LRRTM4: variants seen among roughly 807,000 people sequenced by gnomAD.
The protein encoded by LRRTM4 is leucine rich repeat transmembrane neuronal 4.
In LRRTM4, 25 loss-of-function variants were observed where a neutral mutation model predicts 47.6. The observed-to-expected ratio is 0.53, with a 90% CI of 0.38 to 0.73. The LOEUF is 0.73. Ranked by LOEUF, LRRTM4 falls within the 30% of genes least tolerant of loss-of-function variation. The pLI is 0.00. For synonymous variants in LRRTM4, 311 were observed against 269.5 expected, an observed-to-expected ratio of 1.15 and a Z score of -1.51; for missense variants, 638 against 713.4, an observed-to-expected ratio of 0.89 and a Z score of 1.20.
At chr2:76,864,966 G>C (rs1672425238) in intron 3 of LRRTM4, among the ~76,000 whole-genome samples, 1 of 150,988 alleles carries the variant, frequency 6.6e-6, no homozygotes, top group Admixed American at 6.6e-5. Context: ...CAATCTCCTG[G>C]CTCAAGCGAT....
intron 3 of LRRTM4, among the ~76,000 whole-genome samples, chr2:77,498,761 C>T (rs184190231): frequency 3.8e-4 from 57 of 151,930 alleles, no homozygotes; most frequent in African/African-American, 1.3e-3. Flanking sequence ...TTTTTCCCAT[C>T]CTGTAACAGG....
At position 76,796,215 on chromosome 2, in the gene LRRTM4, T is replaced by A. The variant is rs542525380; in HGVS notation, c.1552-47299A>T. Among the ~76,000 whole-genome samples, 1,033 of 138,392 alleles carry A rather than the reference T, an allele frequency of 7.5e-3. 48 individuals carry two copies. The highest frequency in any genetic ancestry group is 0.026 in the African/African-American group (948 of 37,118). 90.8% of individuals were successfully genotyped at this position (138,392 alleles called of 152,430 possible). A position where few individuals can be genotyped will look rare whatever the true frequency, so the allele number is the denominator to read the frequency against. On this transcript the variant is annotated intron_variant, in intron 3 of 3. Coordinates refer to ENST00000409884, the MANE Select transcript of LRRTM4 (RefSeq NM_001134745.3). ...CTAGCACAGCAGTCTGAGATCAAAC[T>A]GCAAGGCGGCAGCCAGGCTGGGGGA...
chr2:77,394,955 A>G (rs1178781139), intron 3 of LRRTM4, among the ~76,000 whole-genome samples: 1 of 151,944 alleles, frequency 6.6e-6, no homozygotes, highest in Non-Finnish European at 1.5e-5. Context: ...ATTGAGCTCA[A>G]GTTGTCTTAA....
intron 3 of LRRTM4, among the ~76,000 whole-genome samples, chr2:77,418,835 C>G (rs1204532660): frequency 6.6e-6 from 1 of 152,062 alleles, no homozygotes; most frequent in East Asian, 1.9e-4. Context: ...TAAACCAAGC[C>G]ACATCTGTGT....
At chr2:76,975,850 TTAAG>T (rs1676402915) in intron 3 of LRRTM4, among the ~76,000 whole-genome samples, 1 of 146,610 alleles carries the variant, frequency 6.8e-6, no homozygotes, top group African/African-American at 2.7e-5. Context: ...AATCAAATAA[TTAAG>T]TAATTTAGAA....
chr2:77,015,397 T>C (rs1278007169), intron 3 of LRRTM4, among the ~76,000 whole-genome samples: 2 of 152,092 alleles, frequency 1.3e-5, no homozygotes, highest in African/African-American at 4.8e-5. Flanking sequence ...AGTGCAGTGG[T>C]GCGATCTTAG....
chr2:76,927,223 T>C (rs940426435), intron 3 of LRRTM4, among the ~76,000 whole-genome samples: 5 of 152,104 alleles, frequency 3.3e-5, no homozygotes, highest in Non-Finnish European at 5.9e-5. Context: ...GGAGTTACCA[T>C]ATTCTTACAT....
intron 3 of LRRTM4, among the ~76,000 whole-genome samples, chr2:76,869,398 C>T (rs1468303156): frequency 6.6e-6 from 1 of 152,012 alleles, no homozygotes; most frequent in African/African-American, 2.4e-5. Flanking sequence ...GATTGTACAA[C>T]AGGAATAGTC....
intron 3 of LRRTM4, among the ~76,000 whole-genome samples, chr2:76,773,968 A>AAAAAAATATATAG (rs1673835863): frequency 6.6e-6 from 1 of 152,034 alleles, no homozygotes; most frequent in Admixed American, 6.6e-5. Flanking sequence ...GCTGTTTGAG[A>AAAAAAATATATAG]AAAAAATATA....
intron 3 of LRRTM4, among the ~76,000 whole-genome samples, chr2:77,136,765 G>A (rs1467588677): frequency 6.7e-6 from 1 of 150,232 alleles, no homozygotes; most frequent in East Asian, 1.9e-4. Context: ...AATAACCAGT[G>A]TAGAGAAGTC....
intron 3 of LRRTM4, among the ~76,000 whole-genome samples, chr2:76,900,463 T>G (rs757703554): frequency 2.5e-4 from 38 of 152,174 alleles, no homozygotes; most frequent in Non-Finnish European, 5.1e-4. Flanking sequence ...GTTATATATT[T>G]ATGTTTTTAT....
At chr2:76,809,730 G>T (rs923485641) in intron 3 of LRRTM4, among the ~76,000 whole-genome samples, 2 of 152,150 alleles carry the variant, frequency 1.3e-5, no homozygotes, top group South Asian at 4.1e-4. Flanking sequence ...CAAGAACCTG[G>T]ACGAGTGGCC....
intron 3 of LRRTM4, among the ~76,000 whole-genome samples, chr2:76,801,542 AT>A: frequency 6.6e-6 from 1 of 152,244 alleles, no homozygotes; most frequent in East Asian, 1.9e-4. Context: ...AAGGGATAGC[AT>A]TAGGAGATAT....
chr2:77,002,900 T>A (rs1677484847), intron 3 of LRRTM4, among the ~76,000 whole-genome samples: 1 of 152,144 alleles, frequency 6.6e-6, no homozygotes, highest in Non-Finnish European at 1.5e-5. Flanking sequence ...TTAATAATAT[T>A]TTAATTTATT....
rs1470078 is a variant in LRRTM4, at chr2:77,252,126, C to A, written c.1551+266192G>T. ...ACCAAACTCAAGACAATAGTTGGCA[C>A]CAGAAATGTGTGAAGCAGATTGCAA... On this transcript the variant is annotated intron_variant, in intron 3 of 3. Transcript: ENST00000409884. Among the ~76,000 whole-genome samples, 6 of 152,166 alleles carry A rather than the reference C, an allele frequency of 3.9e-5. No individual in the cohort carries two copies. In the East Asian group the frequency reaches 1.2e-3, roughly 30 times the overall value.
In LRRTM4 at chr2:77,083,783, C is replaced by CTTTTTTTTT. The variant is rs386390525; in HGVS notation, c.1552-334876_1552-334868dup. 3.1e-3 allele frequency among the ~76,000 whole-genome samples: 163 copies of CTTTTTTTTT among 52,378 alleles called. 41 individuals are homozygous for CTTTTTTTTT. The highest frequency in any genetic ancestry group is 4.7e-3 in the Non-Finnish European group (110 of 23,534). 34.4% of individuals were successfully genotyped at this position (52,378 alleles called of 152,430 possible). A position where few individuals can be genotyped will look rare whatever the true frequency, so the allele number is the denominator to read the frequency against. Reference sequence around the variant, plus strand: ...ACTTCTCAATTTTTAACTGGACACACTTTTTTTTTTTTTTTTTTTTTTTTT... The same window carrying CTTTTTTTTT: ...ACTTCTCAATTTTTAACTGGACACACTTTTTTTTTTTTTTTTTTTTTTTTTTTTTTTTTT... On this transcript the variant is annotated intron_variant, in intron 3 of 3. Coordinates refer to ENST00000409884, the MANE Select transcript of LRRTM4 (RefSeq NM_001134745.3).
intron 3 of LRRTM4, among the ~76,000 whole-genome samples, chr2:76,963,258 G>T (rs997188796): frequency 6.6e-6 from 1 of 150,646 alleles, no homozygotes; most frequent in African/African-American, 2.4e-5. Flanking sequence ...CAAACCAAGG[G>T]TCAACATTAA....
intron 3 of LRRTM4, among the ~76,000 whole-genome samples, chr2:77,368,814 C>T (rs1407577392): frequency 6.6e-6 from 1 of 151,682 alleles, no homozygotes; most frequent in Non-Finnish European, 1.5e-5. Context: ...AGGAGTATAG[C>T]TATCTTTATG....
At chr2:76,794,086 C>A (rs1675125420) in intron 3 of LRRTM4, among the ~76,000 whole-genome samples, 1 of 152,166 alleles carries the variant, frequency 6.6e-6, no homozygotes, top group South Asian at 2.1e-4. Flanking sequence ...GGTTGTCAGT[C>A]TCCTGAGCCA....
Sources: gnomAD v4.1 joint callset for allele counts (sites outside exome capture counted in the v4.1 genomes callset) on GRCh38, gnomAD v4.1.1 for gene constraint, MANE v1.5 for transcripts, NCBI Gene and HGNC (gene_info 2026-07-23, HGNC 2026-07-21) for gene names.